The following SBF2 variants were observed in gnomAD, a reference collection of about 807,000 sequenced individuals.
SBF2 encodes the protein SET binding factor 2, also known as myotubularin-related protein 13.
Under a neutral mutation model 225.2 loss-of-function variants are expected in SBF2, and 112 were observed. The ratio of observed to expected loss-of-function variants is 0.50; its 90% CI spans 0.43 to 0.58. The LOEUF (loss-of-function observed/expected upper bound fraction) is 0.58, where lower values mean the gene tolerates loss of function less well. Ranked by LOEUF, SBF2 falls within the 20% of genes least tolerant of loss-of-function variation. The pLI is 0.00. For missense variants in SBF2, 1,996 were observed against 2,206.2 expected, an observed-to-expected ratio of 0.90 and a Z score of 1.91; for synonymous variants, 763 against 773.3, an observed-to-expected ratio of 0.99 and a Z score of 0.22.
At position 9,780,381 on chromosome 11, in the gene SBF2, G is replaced by A; in HGVS notation, c.*37C>T. 6 of 1,541,824 alleles carry A rather than the reference G, an allele frequency of 3.9e-6. No individual in the cohort carries two copies. The highest frequency in any genetic ancestry group is 5.4e-6 in the Non-Finnish European group (6 of 1,115,264). On this transcript the variant is annotated 3_prime_UTR_variant, in exon 40 of 40. Transcript: ENST00000256190. ...TTTTTCTATCTATCTGGCAGCATGA[G>A]TTCTTCTGTTTCTTCTGCGTGGGTT...
intron 1 of SBF2, among the ~76,000 whole-genome samples, chr11:10,217,034 T>G (rs1958159268): frequency 6.6e-6 from 1 of 152,226 alleles, no homozygotes; most frequent in Non-Finnish European, 1.5e-5. Flanking sequence ...CCACTTTCCT[T>G]GCCTTTCATA....
chr11:10,104,671 A>C (rs933713198), intron 2 of SBF2, among the ~76,000 whole-genome samples: 6 of 152,168 alleles, frequency 3.9e-5, no homozygotes, highest in African/African-American at 1.4e-4. Flanking sequence ...CAGAGTTCCA[A>C]AATAGTCACA....
At chr11:10,094,824 T>C (rs1485743204) in intron 2 of SBF2, among the ~76,000 whole-genome samples, 3 of 151,800 alleles carry the variant, frequency 2.0e-5, no homozygotes, top group East Asian at 1.9e-4. Flanking sequence ...ACAGATTATA[T>C]CTGTATTAAT....
chr11:10,254,553 A>G (rs1960682247), intron 1 of SBF2, among the ~76,000 whole-genome samples: 1 of 151,980 alleles, frequency 6.6e-6, no homozygotes, highest in African/African-American at 2.4e-5. Context: ...CTATCAACAG[A>G]TGAATGAATA....
rs573810611 is a variant in SBF2, at chr11:10,133,091, C to T, written c.141+60811G>A. ...AGCTAGACATAAAGGTTCTCCACTT[C>T]CTCACCAGAGCAGCTAGATACAGAG... is the stretch of plus-strand genomic sequence containing the variant. On this transcript the variant is annotated intron_variant, in intron 2 of 39. Coordinates refer to ENST00000256190, the MANE Select transcript of SBF2 (RefSeq NM_030962.4). 1.2e-3 allele frequency among the ~76,000 whole-genome samples: 177 copies of T among 148,672 alleles called. 12 individuals carry two copies. The highest frequency in any genetic ancestry group is 5.7e-3 in the South Asian group (27 of 4,716).
chr11:10,054,041 T>A (rs1950161566), intron 2 of SBF2, among the ~76,000 whole-genome samples: 1 of 152,174 alleles, frequency 6.6e-6, no homozygotes, highest in African/African-American at 2.4e-5. Flanking sequence ...GCATGTCACA[T>A]ATAGGCCCAA....
chr11:9,972,374 G>C (rs1385472008), intron 13 of SBF2, among the ~76,000 whole-genome samples: 1 of 152,080 alleles, frequency 6.6e-6, no homozygotes. Flanking sequence ...CTATGGCATG[G>C]TACCATGCTT....
chr11:10,149,780 CAA>C, intron 2 of SBF2, among the ~76,000 whole-genome samples: 2 of 152,272 alleles, frequency 1.3e-5, no homozygotes, highest in South Asian at 4.1e-4. Flanking sequence ...GCTTACACAA[CAA>C]AAGTTTTCCC....
chr11:10,292,956 AATAATGAAAGAGAGAGT>A (rs1474368940), intron 1 of SBF2, among the ~76,000 whole-genome samples: 1 of 152,222 alleles, frequency 6.6e-6, no homozygotes, highest in African/African-American at 2.4e-5. Flanking sequence ...TTAGGAGAGG[AATAATGAAAGAGAGAGT>A]GGACCAAGAG....
chr11:9,896,719 G>T (rs1861289255), intron 16 of SBF2, among the ~76,000 whole-genome samples: 1 of 151,634 alleles, frequency 6.6e-6, no homozygotes, highest in Non-Finnish European at 1.5e-5. Context: ...AACCCGGGAG[G>T]TGGAGGTTGC....
At chr11:10,260,077 G>C (rs906506138) in intron 1 of SBF2, among the ~76,000 whole-genome samples, 1 of 152,070 alleles carries the variant, frequency 6.6e-6, no homozygotes, top group Admixed American at 6.5e-5. Flanking sequence ...TGGATAGTTT[G>C]GGTTCTCCTG....
chr11:10,184,537 C>T (rs763397717), intron 2 of SBF2, among the ~76,000 whole-genome samples: 2 of 152,172 alleles, frequency 1.3e-5, no homozygotes, highest in Non-Finnish European at 2.9e-5. Flanking sequence ...TACATTCACA[C>T]TGTTGTGCAA....
At chr11:10,008,151 G>A (rs1172235763) in intron 6 of SBF2, among the ~76,000 whole-genome samples, 2 of 152,144 alleles carry the variant, frequency 1.3e-5, no homozygotes, top group Non-Finnish European at 2.9e-5. Flanking sequence ...AGGTATATGG[G>A]GAAGAAACCG....
intron 26 of SBF2, among the ~76,000 whole-genome samples, chr11:9,833,332 C>A (rs1487073389): frequency 6.6e-6 from 1 of 150,698 alleles, no homozygotes; most frequent in Non-Finnish European, 1.5e-5. Flanking sequence ...AGAGTCATTT[C>A]TTTTTTTTAG....
At chr11:10,274,771 A>C (rs1962822754) in intron 1 of SBF2, among the ~76,000 whole-genome samples, 1 of 151,092 alleles carries the variant, frequency 6.6e-6, no homozygotes, top group Admixed American at 6.6e-5. Context: ...AAAAAAAAGA[A>C]AGAATTAGAA....
At chr11:9,900,629 C>T (rs1861647363) in intron 16 of SBF2, among the ~76,000 whole-genome samples, 1 of 152,136 alleles carries the variant, frequency 6.6e-6, no homozygotes, top group South Asian at 2.1e-4. Flanking sequence ...TAAGGGTGCA[C>T]CCTTCTATAG....
chr11:10,140,328 T>C (rs1954580624), intron 2 of SBF2, among the ~76,000 whole-genome samples: 2 of 152,178 alleles, frequency 1.3e-5, no homozygotes, highest in South Asian at 4.1e-4. Context: ...AGCTCTCCTC[T>C]CCTGATGTCT....
intron 13 of SBF2, among the ~76,000 whole-genome samples, chr11:9,974,931 G>A (rs1440294548): frequency 8.6e-6 from 1 of 116,290 alleles, no homozygotes; most frequent in Non-Finnish European, 1.6e-5. Context: ...TGGCACTCCA[G>A]CCTGGGCAAC....
intron 17 of SBF2, among the ~76,000 whole-genome samples, chr11:9,874,078 T>C (rs923859771): frequency 7.2e-5 from 11 of 152,112 alleles, no homozygotes; most frequent in Non-Finnish European, 5.9e-5. Context: ...AAAGAGCATA[T>C]TTCTTTCCTT....
Sources: allele counts gnomAD v4.1 joint callset (sites outside exome capture counted in the v4.1 genomes callset), GRCh38; gene constraint gnomAD v4.1.1; transcripts MANE v1.5; gene names NCBI Gene and HGNC (gene_info 2026-07-23, HGNC 2026-07-21).